Variants in DDAH1 observed in about 807,000 individuals in gnomAD.
DDAH1 encodes dimethylarginine dimethylaminohydrolase 1, also known as N(G),N(G)-dimethylarginine dimethylaminohydrolase 1.
DDAH1 carries 19 observed loss-of-function variants against 28.8 expected under a neutral mutation model. The observed-to-expected ratio is 0.66, with a 90% CI of 0.46 to 0.97. The LOEUF (loss-of-function observed/expected upper bound fraction) is 0.97, where lower values mean the gene tolerates loss of function less well. DDAH1 is among the 50% of genes least tolerant of loss of function. DDAH1 has a pLI of 0.00. For missense variants in DDAH1, 326 were observed against 375.9 expected (o/e 0.87, Z 1.10); for synonymous variants, 153 against 154.4 (o/e 0.99, Z 0.07).
At chr1:85,531,063 T>G (rs1219332706) in intron 1 of DDAH1, among the ~76,000 whole-genome samples, 6 of 145,242 alleles carry the variant, frequency 4.1e-5, no homozygotes, top group African/African-American at 1.5e-4. Flanking sequence ...AGAATCTGAG[T>G]GTATATACAA....
intron 1 of DDAH1, among the ~76,000 whole-genome samples, chr1:85,369,206 G>A (rs1285092976): frequency 6.6e-6 from 1 of 150,640 alleles, no homozygotes; most frequent in African/African-American, 2.4e-5. Context: ...GACTACAGGT[G>A]TGTGCCCAAT....
chr1:85,546,131 C>CA (rs111839145), intron 1 of DDAH1, among the ~76,000 whole-genome samples: 3,962 of 135,922 alleles, frequency 0.029, 74 homozygotes, highest in African/African-American at 0.058. Flanking sequence ...AATGTGTCTC[C>CA]AAAAAAAAAA....
intron 5 of DDAH1, among the ~76,000 whole-genome samples, chr1:85,322,859 A>G (rs759362813): frequency 6.6e-6 from 1 of 152,182 alleles, no homozygotes; most frequent in Non-Finnish European, 1.5e-5. Context: ...CAGATGATCA[A>G]TGTGGCTAAA....
chr1:85,321,936 CA>C (rs960618170), intron 5 of DDAH1, among the ~76,000 whole-genome samples: 2 of 152,112 alleles, frequency 1.3e-5, no homozygotes, highest in Non-Finnish European at 2.9e-5. Context: ...TTTTTGGAGA[CA>C]GGGTCTTGCT....
intron 1 of DDAH1, chr1:85,379,847 A>G (rs1425938494): frequency 3.0e-5 from 10 of 338,978 alleles, no homozygotes; most frequent in Admixed American, 6.5e-5. Context: ...CCACGTTTCT[A>G]CCACTGGAAA....
At chr1:85,513,128 G>T (rs1657307392) in intron 1 of DDAH1, among the ~76,000 whole-genome samples, 1 of 152,096 alleles carries the variant, frequency 6.6e-6, no homozygotes, top group African/African-American at 2.4e-5. Flanking sequence ...AACCAAAACA[G>T]CATGATACTG....
intron 4 of DDAH1, among the ~76,000 whole-genome samples, chr1:85,325,735 C>T (rs1312389662): frequency 6.6e-6 from 1 of 152,104 alleles, no homozygotes; most frequent in Non-Finnish European, 1.5e-5. Context: ...ATTGATACCT[C>T]ATCCTTACCT....
intron 1 of DDAH1, among the ~76,000 whole-genome samples, chr1:85,374,072 C>T (rs1356314986): frequency 6.6e-6 from 1 of 152,112 alleles, no homozygotes; most frequent in Non-Finnish European, 1.5e-5. Context: ...TCAGTGCGTA[C>T]TTTCCATTAC....
chr1:85,345,059 T>C (rs1488650686), intron 4 of DDAH1, among the ~76,000 whole-genome samples: 1 of 152,218 alleles, frequency 6.6e-6, no homozygotes, highest in East Asian at 1.9e-4. Flanking sequence ...GTGTAATATA[T>C]AAAGTATAAC....
chr1:85,407,026 CCTT>C (rs528539107), intron 1 of DDAH1, among the ~76,000 whole-genome samples: 8 of 152,014 alleles, frequency 5.3e-5, no homozygotes, highest in Non-Finnish European at 1.0e-4. Flanking sequence ...AGACCTTCCT[CCTT>C]GAGTTTTTGT....
intron 4 of DDAH1, 78 bp downstream of exon 4, chr1:85,350,337 C>T: frequency 6.5e-7 from 1 of 1,545,032 alleles, no homozygotes; most frequent in Non-Finnish European, 8.8e-7. Context: ...GCTTGTTACT[C>T]CCCCAGCAGA....
chr1:85,339,993 A>G (rs1251442181), intron 4 of DDAH1, among the ~76,000 whole-genome samples: 9 of 152,168 alleles, frequency 5.9e-5, no homozygotes, highest in Non-Finnish European at 1.2e-4. Flanking sequence ...TCTTTTGCCA[A>G]ATCAATTCAG....
At chr1:85,347,517 C>CA (rs1648934583) in intron 4 of DDAH1, among the ~76,000 whole-genome samples, 1 of 151,522 alleles carries the variant, frequency 6.6e-6, no homozygotes, top group African/African-American at 2.4e-5. Flanking sequence ...ATCACAAGAG[C>CA]AAAAAACCAA....
chr1:85,487,703 CTCTA>C (rs1374058746), intron 2 of DDAH1, among the ~76,000 whole-genome samples: 2 of 152,134 alleles, frequency 1.3e-5, no homozygotes, highest in Admixed American at 6.6e-5. Flanking sequence ...CTCCCTTATT[CTCTA>C]TCTGCCTATC....
chr1:85,578,111 C>A, exon 1 of DDAH1: 1 of 555,020 alleles, frequency 1.8e-6, no homozygotes, highest in Non-Finnish European at 2.3e-6. Flanking sequence ...ACTTGAGGAG[C>A]CGCTGTTTCT....
intron 1 of DDAH1, among the ~76,000 whole-genome samples, chr1:85,570,059 T>C (rs1165143475): frequency 1.3e-5 from 2 of 152,194 alleles, no homozygotes; most frequent in Non-Finnish European, 2.9e-5. Context: ...TCTCAGTTTC[T>C]GGAGAGCTGA....
intron 1 of DDAH1, among the ~76,000 whole-genome samples, chr1:85,574,454 T>C (rs1406168028): frequency 6.6e-6 from 1 of 152,200 alleles, no homozygotes; most frequent in African/African-American, 2.4e-5. Context: ...ATCAGACTGA[T>C]TGTTATGCCC....
At chr1:85,400,018 T>G (rs1651991887) in intron 1 of DDAH1, 1 of 152,050 alleles carries the variant, frequency 6.6e-6, no homozygotes, top group Non-Finnish European at 1.5e-5. Flanking sequence ...ACTCAAATAT[T>G]TTTTTCTTTG....
chr1:85,512,717 G>C (rs1657291528), intron 1 of DDAH1, among the ~76,000 whole-genome samples: 1 of 152,158 alleles, frequency 6.6e-6, no homozygotes, highest in African/African-American at 2.4e-5. Context: ...CAGACAAACA[G>C]AGAGCCAAAT....
Sources: allele counts gnomAD v4.1 joint callset (sites outside exome capture counted in the v4.1 genomes callset), GRCh38; gene constraint gnomAD v4.1.1; transcripts MANE v1.5; gene names NCBI Gene and HGNC (gene_info 2026-07-23, HGNC 2026-07-21).